DPP10: variants seen among roughly 807,000 people sequenced by gnomAD.
The protein encoded by DPP10 is inactive dipeptidyl peptidase 10.
DPP10 carries 33 observed loss-of-function variants against 120.9 expected under a neutral mutation model. The observed-to-expected ratio is 0.27, with a 90% CI of 0.21 to 0.37. The LOEUF (loss-of-function observed/expected upper bound fraction) is 0.37, where lower values mean the gene tolerates loss of function less well. Ranked by LOEUF, DPP10 falls within the 10% of genes least tolerant of loss-of-function variation. The pLI is 1.00. For synonymous variants in DPP10, 337 were observed against 326.1 expected (o/e 1.03, Z -0.36); for missense variants, 816 against 942.8 (o/e 0.87, Z 1.76).
intron 1 of DPP10, among the ~76,000 whole-genome samples, chr2:114,860,732 C>CT (rs1204733541): frequency 6.6e-6 from 1 of 152,138 alleles, no homozygotes; most frequent in Non-Finnish European, 1.5e-5. Context: ...TTACCATCTT[C>CT]TTTTTGCTTC....
chr2:115,097,004 G>C (rs528246559), intron 1 of DPP10, among the ~76,000 whole-genome samples: 1 of 152,186 alleles, frequency 6.6e-6, no homozygotes, highest in South Asian at 2.1e-4. Context: ...AAAAGGTTTT[G>C]CTTGAGCAGA....
intron 1 of DPP10, among the ~76,000 whole-genome samples, chr2:114,551,468 A>C (rs931215366): frequency 6.6e-6 from 1 of 152,260 alleles, no homozygotes; most frequent in East Asian, 1.9e-4. Context: ...TTGCAGAGCT[A>C]AAGTGAATTG....
At chr2:115,073,359 T>C (rs1707528158) in intron 1 of DPP10, among the ~76,000 whole-genome samples, 2 of 152,220 alleles carry the variant, frequency 1.3e-5, no homozygotes, top group Non-Finnish European at 2.9e-5. Context: ...GTCAATTGCA[T>C]GCATAGCCAA....
chr2:114,525,680 G>A (rs1421287325), intron 1 of DPP10, among the ~76,000 whole-genome samples: 1 of 152,188 alleles, frequency 6.6e-6, no homozygotes, highest in Admixed American at 6.5e-5. Flanking sequence ...CACAAGTCAT[G>A]TTACTATGTT....
At chr2:114,961,856 A>G (rs1574581560) in intron 1 of DPP10, among the ~76,000 whole-genome samples, 1 of 152,238 alleles carries the variant, frequency 6.6e-6, no homozygotes, top group African/African-American at 2.4e-5. Context: ...AGGGAGGCTG[A>G]GGCAGGAGAA....
At chr2:115,505,676 T>C (rs1317516345) in intron 4 of DPP10, among the ~76,000 whole-genome samples, 2 of 152,104 alleles carry the variant, frequency 1.3e-5, no homozygotes, top group Non-Finnish European at 2.9e-5. Context: ...TATTGCTGTC[T>C]CCCAGTCATA....
chr2:114,458,892 T>C (rs1017010611), intron 1 of DPP10, among the ~76,000 whole-genome samples: 1 of 152,168 alleles, frequency 6.6e-6, no homozygotes, highest in African/African-American at 2.4e-5. Context: ...CTCTGAGTTA[T>C]TGGGAAATGT....
chr2:115,149,736 G>C (rs185905342), intron 1 of DPP10, among the ~76,000 whole-genome samples: 1 of 152,278 alleles, frequency 6.6e-6, no homozygotes, highest in East Asian at 1.9e-4. Context: ...CTGGTTGCAA[G>C]TGATAGTCAT....
intron 1 of DPP10, among the ~76,000 whole-genome samples, chr2:114,713,311 G>A (rs141221385): frequency 3.3e-5 from 5 of 151,984 alleles, no homozygotes; most frequent in South Asian, 2.1e-4. Flanking sequence ...AAATTCTGAC[G>A]CAGTCTTTCA....
intron 1 of DPP10, among the ~76,000 whole-genome samples, chr2:114,806,440 T>C (rs542582938): frequency 1.3e-5 from 2 of 152,198 alleles, no homozygotes; most frequent in Non-Finnish European, 2.9e-5. Context: ...TACTAAACCA[T>C]TTTGATTTAT....
chr2:115,798,752 T>C (rs77361965), intron 19 of DPP10, among the ~76,000 whole-genome samples: 2,776 of 152,230 alleles, frequency 0.018, 86 homozygotes, highest in African/African-American at 0.061. Flanking sequence ...GTTATTAATA[T>C]AGTAAAGTTT....
intron 4 of DPP10, among the ~76,000 whole-genome samples, chr2:115,514,159 G>A (rs528701676): frequency 4.7e-4 from 71 of 151,952 alleles, no homozygotes; most frequent in African/African-American, 1.7e-3. Context: ...TGTATGTGAT[G>A]TTATGTTTTT....
chr2:115,211,048 G>T (rs4610066), intron 1 of DPP10, among the ~76,000 whole-genome samples: 120,491 of 152,032 alleles, frequency 0.79, 48,011 homozygotes, highest in East Asian at 0.89. Context: ...ATTTGATCAA[G>T]CATATAAATC....
intron 3 of DPP10, among the ~76,000 whole-genome samples, chr2:115,445,435 C>G (rs1249739577): frequency 1.3e-5 from 2 of 152,004 alleles, no homozygotes; most frequent in African/African-American, 4.8e-5. Context: ...CAGTTTTGAC[C>G]AAAATGGTGA....
intron 1 of DPP10, among the ~76,000 whole-genome samples, chr2:114,937,606 A>G (rs1233751473): frequency 2.0e-5 from 3 of 152,234 alleles, no homozygotes; most frequent in Middle Eastern, 3.4e-3. Flanking sequence ...CTGGTTGACT[A>G]TTGGTCTTGT....
chr2:115,378,878 A>T (rs1185202107), intron 3 of DPP10, among the ~76,000 whole-genome samples: 1 of 152,206 alleles, frequency 6.6e-6, no homozygotes, highest in Non-Finnish European at 1.5e-5. Flanking sequence ...ATATTGAACC[A>T]GCCTTGCATC....
chr2:115,097,104 C>A (rs548096428), intron 1 of DPP10, among the ~76,000 whole-genome samples: 1 of 152,102 alleles, frequency 6.6e-6, no homozygotes, highest in Non-Finnish European at 1.5e-5. Context: ...TAAACTGAGA[C>A]AGCTAAGCAC....
At chr2:114,748,338 C>CTTTTTTTTTTTTTTTTTTTTTTTT (rs1255227047) in intron 1 of DPP10, among the ~76,000 whole-genome samples, 3 of 70,322 alleles carry the variant, frequency 4.3e-5, no homozygotes, top group Non-Finnish European at 8.3e-5. Context: ...AGGGAATTTT[C>CTTTTTTTTTTTTTTTTTTTTTTTT]TTTTTTTTTT....
At chr2:115,628,922 C>T (rs991521145) in intron 5 of DPP10, among the ~76,000 whole-genome samples, 27 of 152,072 alleles carry the variant, frequency 1.8e-4, no homozygotes, top group Non-Finnish European at 3.4e-4. Context: ...CCCATTAACT[C>T]GTCATTTACA....
Sources: gnomAD v4.1 joint callset for allele counts (sites outside exome capture counted in the v4.1 genomes callset) on GRCh38, gnomAD v4.1.1 for gene constraint, MANE v1.5 for transcripts, NCBI Gene and HGNC (gene_info 2026-07-23, HGNC 2026-07-21) for gene names.